The following STK39 variants were observed in gnomAD, a reference collection of about 807,000 sequenced individuals.
The protein encoded by STK39 is STE20/SPS1-related proline-alanine-rich protein kinase.
In STK39, 20 loss-of-function variants were observed where a neutral mutation model predicts 77.8. That is an observed-to-expected ratio of 0.26 (90% CI 0.18 to 0.37). The LOEUF (loss-of-function observed/expected upper bound fraction) is 0.37. Ranked by LOEUF, STK39 falls within the 10% of genes least tolerant of loss-of-function variation. STK39 has a pLI of 1.00. For synonymous variants in STK39, 246 were observed against 234.1 expected, an observed-to-expected ratio of 1.05 and a Z score of -0.47; for missense variants, 479 against 656.5, an observed-to-expected ratio of 0.73 and a Z score of 2.95.
chr2:168,239,461 C>G (rs757123537), intron 1 of STK39, among the ~76,000 whole-genome samples: 19 of 152,190 alleles, frequency 1.2e-4, no homozygotes, highest in Non-Finnish European at 2.6e-4. Flanking sequence ...ACAACACAGG[C>G]AGGTGGACGC....
chr2:168,151,467 T>A (rs956309108), intron 5 of STK39, among the ~76,000 whole-genome samples: 2 of 152,146 alleles, frequency 1.3e-5, no homozygotes, highest in African/African-American at 4.8e-5. Context: ...CCAGGGACGG[T>A]GGCTCACTCC....
At chr2:168,144,688 T>A (rs983731080) in intron 5 of STK39, among the ~76,000 whole-genome samples, 2 of 151,958 alleles carry the variant, frequency 1.3e-5, no homozygotes, top group Non-Finnish European at 2.9e-5. Context: ...AACTGTTAGG[T>A]AGATCGATAA....
At chr2:168,052,636 G>A (rs1685427338) in intron 14 of STK39, among the ~76,000 whole-genome samples, 1 of 152,102 alleles carries the variant, frequency 6.6e-6, no homozygotes. Flanking sequence ...TATTTATTCA[G>A]GATCTGTAAC....
chr2:168,105,634 C>A (rs971226118), intron 10 of STK39, among the ~76,000 whole-genome samples: 1 of 152,170 alleles, frequency 6.6e-6, no homozygotes, highest in African/African-American at 2.4e-5. Context: ...TAAGCAAACA[C>A]CATTTCTTAA....
intron 10 of STK39, among the ~76,000 whole-genome samples, chr2:168,121,897 T>G (rs181730192): frequency 6.4e-4 from 97 of 152,288 alleles, no homozygotes; most frequent in African/African-American, 2.2e-3. Flanking sequence ...CTCAGAGAGA[T>G]TAGGCAGCTC....
chr2:168,155,111 G>T (rs2105568085), intron 5 of STK39, among the ~76,000 whole-genome samples: 1 of 152,284 alleles, frequency 6.6e-6, no homozygotes, highest in Non-Finnish European at 1.5e-5. Flanking sequence ...CTTCTGTGAA[G>T]CTCAACCCTG....
intron 10 of STK39, among the ~76,000 whole-genome samples, chr2:168,079,082 T>C (rs1422937567): frequency 2.6e-5 from 4 of 152,260 alleles, no homozygotes; most frequent in Non-Finnish European, 5.9e-5. Flanking sequence ...CTTGAGGCAC[T>C]GCCAAGCAGA....
intron 1 of STK39, among the ~76,000 whole-genome samples, chr2:168,191,518 A>G (rs1382216754): frequency 1.3e-5 from 2 of 152,208 alleles, no homozygotes; most frequent in Non-Finnish European, 2.9e-5. Flanking sequence ...ATAACTACAC[A>G]TCAGCCACAC....
intron 14 of STK39, among the ~76,000 whole-genome samples, chr2:168,051,745 G>A (rs75262515): frequency 5.8e-4 from 89 of 152,206 alleles, no homozygotes; most frequent in African/African-American, 2.0e-3. Flanking sequence ...AAGCCACAGC[G>A]CCCAGCCCCC....
intron 1 of STK39, among the ~76,000 whole-genome samples, chr2:168,199,132 T>A (rs892642798): frequency 6.6e-6 from 1 of 152,122 alleles, no homozygotes; most frequent in Non-Finnish European, 1.5e-5. Context: ...AATCCTATAT[T>A]CCTTATACCC....
At chr2:168,091,687 CCTTT>C (rs925572320) in intron 10 of STK39, among the ~76,000 whole-genome samples, 18 of 152,144 alleles carry the variant, frequency 1.2e-4, no homozygotes, top group Admixed American at 9.8e-4. Flanking sequence ...ATTTTTGTTA[CCTTT>C]TTTTTAATGA....
At chr2:168,136,180 A>C (rs1046054504) in intron 8 of STK39, among the ~76,000 whole-genome samples, 1 of 151,996 alleles carries the variant, frequency 6.6e-6, no homozygotes, top group Non-Finnish European at 1.5e-5. Flanking sequence ...CATCTTGGCC[A>C]ACAGAGTGAA....
chr2:168,049,153 A>G (rs1685328413), intron 14 of STK39, among the ~76,000 whole-genome samples: 1 of 152,182 alleles, frequency 6.6e-6, no homozygotes. Context: ...AAGACTCAGG[A>G]TCTCTGAAAG....
rs150635468 is a variant in STK39, at chr2:168,084,648, T to A, written c.1090-9417A>T. On this transcript the variant is annotated intron_variant, in intron 10 of 17. Coordinates refer to ENST00000355999, the MANE Select transcript of STK39 (RefSeq NM_013233.3). The stretch of plus-strand genomic sequence containing the variant: ...GAACTCAATGATCTATCTAAAGAGA[T>A]TTCCAGGCAGCCACTTAAAGTGACA... Among the ~76,000 whole-genome samples the A allele has an allele frequency of 3.0e-3, 456 of 152,254 alleles. 3 individuals are homozygous for A. Among genetic ancestry groups the A allele is most frequent in the African/African-American group, 0.01 (434 of 41,550 alleles).
chr2:168,096,827 A>T (rs1686680445), intron 10 of STK39, among the ~76,000 whole-genome samples: 1 of 152,188 alleles, frequency 6.6e-6, no homozygotes, highest in South Asian at 2.1e-4. Flanking sequence ...GTTAAAGATA[A>T]ACTTCCTTAT....
intron 1 of STK39, among the ~76,000 whole-genome samples, chr2:168,245,231 G>A (rs182750889): frequency 6.6e-6 from 1 of 152,026 alleles, no homozygotes; most frequent in Non-Finnish European, 1.5e-5. Flanking sequence ...GCTCAACTAC[G>A]ACCTCTACTA....
intron 10 of STK39, among the ~76,000 whole-genome samples, chr2:168,076,326 G>A (rs1197739118): frequency 1.3e-5 from 2 of 152,236 alleles, no homozygotes; most frequent in East Asian, 1.9e-4. Context: ...GCCACTGAAC[G>A]ATAACCACCA....
chr2:167,975,032 G>A (rs569225575), intron 16 of STK39, among the ~76,000 whole-genome samples: 2 of 152,296 alleles, frequency 1.3e-5, no homozygotes, highest in South Asian at 2.1e-4. Context: ...TCAGTGCTAT[G>A]TACCTAATTT....
intron 1 of STK39, among the ~76,000 whole-genome samples, chr2:168,239,623 C>A (rs780361164): frequency 1.3e-5 from 2 of 152,230 alleles, no homozygotes; most frequent in African/African-American, 4.8e-5. Flanking sequence ...AATTTTTAGA[C>A]GTCAGGCAAT....
Sources: gnomAD v4.1 joint callset for allele counts (sites outside exome capture counted in the v4.1 genomes callset) on GRCh38, gnomAD v4.1.1 for gene constraint, MANE v1.5 for transcripts, NCBI Gene and HGNC (gene_info 2026-07-23, HGNC 2026-07-21) for gene names.